NBEAL1: variants seen among roughly 807,000 people sequenced by gnomAD.
NBEAL1 encodes neurobeachin-like protein 1.
Under a neutral mutation model 351.3 loss-of-function variants are expected in NBEAL1, and 273 were observed. The observed-to-expected ratio is 0.78, with a 90% CI of 0.70 to 0.86. The LOEUF (loss-of-function observed/expected upper bound fraction) is 0.86, where lower values mean the gene tolerates loss of function less well. NBEAL1 is among the 40% of genes least tolerant of loss of function. The probability of loss-of-function intolerance (pLI) is 0.00; values close to 1 mark genes in which losing one functional copy is unlikely to be tolerated. For missense variants in NBEAL1, 2,961 were observed against 3,201.3 expected, an observed-to-expected ratio of 0.92 and a Z score of 1.81; for synonymous variants, 1,050 against 1,086.4, an observed-to-expected ratio of 0.97 and a Z score of 0.66.
intron 53 of NBEAL1, among the ~76,000 whole-genome samples, chr2:203,210,386 G>A (rs1679554078): frequency 6.7e-6 from 1 of 149,968 alleles, no homozygotes; most frequent in African/African-American, 2.5e-5. Context: ...AAAAGTCTGG[G>A]CGCAGTGGCT....
At chr2:203,106,674 T>C (rs1415501937) in intron 12 of NBEAL1, among the ~76,000 whole-genome samples, 1 of 152,168 alleles carries the variant, frequency 6.6e-6, no homozygotes, top group Non-Finnish European at 1.5e-5. Context: ...GAGAAAATAT[T>C]TCCTATTCTT....
chr2:203,152,991 T>C (rs2063700004), intron 35 of NBEAL1, among the ~76,000 whole-genome samples: 3 of 152,072 alleles, frequency 2.0e-5, no homozygotes, highest in African/African-American at 4.8e-5. Context: ...TGAGCTGATA[T>C]CGCGTCTTTG....
intron 33 of NBEAL1, 130 bp from the exon 34 acceptor site, chr2:203,148,861 T>C (rs764247869): frequency 3.1e-5 from 19 of 611,476 alleles, no homozygotes; most frequent in Non-Finnish European, 4.6e-5. Context: ...AAGAAAAGCC[T>C]ATTGGTTACT....
Position 203,016,308 on chromosome 2 carries a change from G to T in NBEAL1, c.-77G>T. Reference sequence around the variant, plus strand: ...CTTTACTGAACGGCTGAAAAACTTGGAAAATAAAATGGACATGCTGTAGTC... The same window carrying T: ...CTTTACTGAACGGCTGAAAAACTTGTAAAATAAAATGGACATGCTGTAGTC... On this transcript the variant is annotated 5_prime_UTR_variant, in exon 2 of 56. An upstream open reading frame in the 5' UTR gains an earlier in-frame stop. Coordinates refer to ENST00000683969, the MANE Select transcript of NBEAL1 (RefSeq NM_001378026.1). The T allele has an allele frequency of 9.2e-7, 1 of 1,085,050 alleles. No individual in the cohort carries two copies. Among genetic ancestry groups the T allele is most frequent in the Non-Finnish European group, 1.3e-6 (1 of 771,030 alleles). The allele number at this position is 1,085,050 out of a possible 1,614,324, so 67.2% of individuals were successfully genotyped here. A position where few individuals can be genotyped will look rare whatever the true frequency, so the allele number is the denominator to read the frequency against.
At position 203,149,143 on chromosome 2, in the gene NBEAL1, T is replaced by G; in HGVS notation, c.5457T>G (p.Ala1819=). ...TTACATGTGAAAGGGGACCTTGGGC[T>G]AAAAGGTAAGAGGATATAATTTTAT... is the stretch of plus-strand genomic sequence containing the variant. ...LYLTCERGPW[A]KRKQNPIHWK... The change falls in exon 34 of 56, where the codon GCT becomes GCG. Residue 1819 remains alanine, a synonymous_variant. Coordinates refer to ENST00000683969, the MANE Select transcript of NBEAL1 (RefSeq NM_001378026.1). The G allele has an allele frequency of 6.3e-7, 1 of 1,595,470 alleles. No homozygotes were observed. Among genetic ancestry groups the G allele is most frequent in the Non-Finnish European group, 8.5e-7 (1 of 1,170,180 alleles).
chr2:203,184,074 T>TAA (rs1170251389), intron 44 of NBEAL1, among the ~76,000 whole-genome samples: 27 of 87,996 alleles, frequency 3.1e-4, no homozygotes, highest in African/African-American at 8.4e-4. Context: ...CGAGACTGTC[T>TAA]AAAAAAAAAA....
At position 203,140,834 on chromosome 2, in the gene NBEAL1, T is replaced by A. The variant is rs185580971; in HGVS notation, c.4848+2086T>A. Among the ~76,000 whole-genome samples, 294 of 152,190 alleles carry A rather than the reference T, an allele frequency of 1.9e-3. 1 individual carries two copies. Among genetic ancestry groups the A allele is most frequent in the Non-Finnish European group, 3.6e-3 (244 of 68,004 alleles). ...AGTGGATTCACTTGACGCCAGCAGT[T>A]TGAGACAAGCCTGGCCATCATAACG... is the stretch of plus-strand genomic sequence containing the variant. On this transcript the variant is annotated intron_variant, in intron 31 of 55. Transcript: ENST00000683969.
chr2:203,209,596 G>A (rs1032110744), intron 53 of NBEAL1, among the ~76,000 whole-genome samples: 4 of 152,128 alleles, frequency 2.6e-5, no homozygotes, highest in African/African-American at 9.7e-5. Context: ...AAGCTTAAGT[G>A]GAAACTGGAA....
intron 10 of NBEAL1, among the ~76,000 whole-genome samples, chr2:203,093,357 A>C (rs1388753862): frequency 6.6e-6 from 1 of 152,008 alleles, no homozygotes; most frequent in Non-Finnish European, 1.5e-5. Flanking sequence ...AGATATAACA[A>C]ATTTCTGATA....
In NBEAL1 at chr2:203,032,614, C is replaced by G. The variant is rs147545082; in HGVS notation, c.52-9151C>G. 2.2e-4 allele frequency among the ~76,000 whole-genome samples: 30 copies of G among 138,612 alleles called. No homozygotes were observed. In the East Asian group the frequency reaches 7.0e-3, roughly 32 times the overall value. The allele number at this position is 138,612 out of a possible 152,430, so 90.9% of individuals were successfully genotyped here. ...GGCGGAGCTTGCAGTGAGCTGAGAT[C>G]GTGCATAAGAACAAAAACCCAAAGA... On this transcript the variant is annotated intron_variant, in intron 2 of 55. Transcript: ENST00000683969.
In NBEAL1 at chr2:203,188,482, A is replaced by G; in HGVS notation, c.6716A>G (p.Tyr2239Cys). 4.5e-6 allele frequency: 7 copies of G among 1,555,226 alleles called. No individual in the cohort carries two copies. The highest frequency in any genetic ancestry group is 5.2e-6 in the Non-Finnish European group (6 of 1,151,720). ...YKHRKALESE[Y>C]VSAHLHEWID... Reference sequence around the variant, plus strand: ...TTATTCTTTTTCTAGGAGTCTGAATATGTTTCAGCTCATCTTCATGAATGG... The same window carrying G: ...TTATTCTTTTTCTAGGAGTCTGAATGTGTTTCAGCTCATCTTCATGAATGG... The change falls in exon 45 of 56, where the codon TAT (tyrosine) becomes TGT (cysteine). Residue 2239 changes from tyrosine (Y) to cysteine (C), a missense_variant. Coordinates refer to ENST00000683969, the MANE Select transcript of NBEAL1 (RefSeq NM_001378026.1).
At chr2:203,101,652 G>A (rs1248459696) in intron 12 of NBEAL1, among the ~76,000 whole-genome samples, 1 of 152,150 alleles carries the variant, frequency 6.6e-6, no homozygotes, top group Non-Finnish European at 1.5e-5. Flanking sequence ...TTAGAGTGTA[G>A]TGGCGTGATC....
chr2:203,099,859 T>A, intron 12 of NBEAL1, 147 bp downstream of exon 12: 2 of 556,402 alleles, frequency 3.6e-6, no homozygotes. Context: ...ATAAGCATAG[T>A]ACCCAATAGG....
At chr2:203,014,698 C>T, upstream of NBEAL1, 1 of 152,404 alleles carries the variant, frequency 6.6e-6, no homozygotes, top group Non-Finnish European at 1.5e-5. Context: ...CTGTCGACTG[C>T]GGCTGCGCAG....
intron 54 of NBEAL1, 71 bp downstream of exon 54, chr2:203,211,177 G>T: frequency 9.0e-7 from 1 of 1,110,522 alleles, no homozygotes; most frequent in Non-Finnish European, 1.2e-6. Flanking sequence ...GTGAAAATCA[G>T]GAATCTAAGA....
At chr2:203,209,457 G>C in intron 53 of NBEAL1, 135 bp downstream of exon 53, 1 of 656,582 alleles carries the variant, frequency 1.5e-6, no homozygotes, top group Non-Finnish European at 2.5e-6. Flanking sequence ...TCATTCAGTT[G>C]TTCGTTTCTT....
At chr2:203,173,690 A>T (rs2106416481) in intron 41 of NBEAL1, among the ~76,000 whole-genome samples, 1 of 152,210 alleles carries the variant, frequency 6.6e-6, no homozygotes, top group South Asian at 2.1e-4. Context: ...TAACCAAAAG[A>T]AGATTTTATA....
chr2:203,116,840 G>T (rs1281292984), intron 18 of NBEAL1, among the ~76,000 whole-genome samples: 1 of 150,384 alleles, frequency 6.6e-6, no homozygotes, highest in Non-Finnish European at 1.5e-5. Flanking sequence ...TGTGGCTCTT[G>T]CCTGTAATAC....
intron 27 of NBEAL1, 27 bp from the exon 28 acceptor site, chr2:203,135,650 A>G: frequency 7.1e-7 from 1 of 1,413,130 alleles, no homozygotes; most frequent in Non-Finnish European, 9.4e-7. Flanking sequence ...CTTTTTGAAG[A>G]ATTTTGTATT....
Sources: gnomAD v4.1 joint callset for allele counts (sites outside exome capture counted in the v4.1 genomes callset) on GRCh38, gnomAD v4.1.1 for gene constraint, MANE v1.5 for transcripts, NCBI Gene and HGNC (gene_info 2026-07-23, HGNC 2026-07-21) for gene names.